Variants in STX8 observed in about 807,000 individuals in gnomAD.
STX8 encodes syntaxin-8.
Under a neutral mutation model 37.5 loss-of-function variants are expected in STX8, and 23 were observed. The ratio of observed to expected loss-of-function variants is 0.61; its 90% CI spans 0.44 to 0.87. The LOEUF is 0.87. Among genes scored for constraint, STX8 ranks in the 40% least tolerant of loss-of-function variants. STX8 has a pLI of 0.00. For synonymous variants in STX8, 115 were observed against 99.1 expected (o/e 1.16, Z -0.95); for missense variants, 313 against 284.7 (o/e 1.10, Z -0.71).
chr17:9,408,833 AAAGTCTACGTGAGGGTCCT>A (rs962763560), intron 6 of STX8, among the ~76,000 whole-genome samples: 10 of 152,154 alleles, frequency 6.6e-5, no homozygotes, highest in East Asian at 1.9e-4. Context: ...CTCTTCCAGA[AAAGTCTACGTGAGGGTCCT>A]AAGTCTACGT....
intron 4 of STX8, among the ~76,000 whole-genome samples, chr17:9,535,717 C>A (rs1251519754): frequency 6.6e-6 from 1 of 152,046 alleles, no homozygotes; most frequent in African/African-American, 2.4e-5. Flanking sequence ...CAGGCGTGAG[C>A]CATCGTGCCC....
At chr17:9,366,647 C>T (rs1256618206) in intron 7 of STX8, among the ~76,000 whole-genome samples, 1 of 152,166 alleles carries the variant, frequency 6.6e-6, no homozygotes, top group Non-Finnish European at 1.5e-5. Flanking sequence ...AAACAAAAAT[C>T]TTTTAAAAAG....
chr17:9,350,257 G>A (rs1910662962), intron 7 of STX8, among the ~76,000 whole-genome samples: 1 of 152,206 alleles, frequency 6.6e-6, no homozygotes, highest in South Asian at 2.1e-4. Flanking sequence ...GTGGGATGGC[G>A]TGAGATTTCA....
chr17:9,410,683 T>C (rs1006593575), intron 6 of STX8, among the ~76,000 whole-genome samples: 10 of 152,210 alleles, frequency 6.6e-5, no homozygotes, highest in Non-Finnish European at 1.3e-4. Context: ...ATTCCATGTG[T>C]TGACAAGCAA....
intron 6 of STX8, among the ~76,000 whole-genome samples, chr17:9,428,529 C>T (rs1005996416): frequency 3.3e-5 from 5 of 152,142 alleles, no homozygotes; most frequent in Non-Finnish European, 7.4e-5. Flanking sequence ...CGTAAGCCAC[C>T]CCGTCCGGCA....
chr17:9,519,983 C>T (rs948493379), intron 4 of STX8, among the ~76,000 whole-genome samples: 1 of 152,100 alleles, frequency 6.6e-6, no homozygotes, highest in African/African-American at 2.4e-5. Flanking sequence ...ATTTATCAAG[C>T]GGGATTGTAG....
chr17:9,405,688 A>G (rs1912777129), intron 6 of STX8, among the ~76,000 whole-genome samples: 1 of 152,094 alleles, frequency 6.6e-6, no homozygotes, highest in Admixed American at 6.5e-5. Context: ...CCCCACCAGA[A>G]TTGGTCACTC....
chr17:9,316,099 T>C (rs1909374341), intron 7 of STX8, among the ~76,000 whole-genome samples: 2 of 152,026 alleles, frequency 1.3e-5, no homozygotes, highest in South Asian at 4.2e-4. Context: ...CCCTATAATG[T>C]CTACTGTAGG....
chr17:9,381,280 C>G (rs112089674), intron 6 of STX8, among the ~76,000 whole-genome samples: 1 of 151,038 alleles, frequency 6.6e-6, no homozygotes, highest in Non-Finnish European at 1.5e-5. Flanking sequence ...CTCCCTCCTT[C>G]CTGTTTTTAT....
intron 3 of STX8, among the ~76,000 whole-genome samples, chr17:9,551,966 GAAAC>G (rs1375039240): frequency 6.6e-6 from 1 of 150,552 alleles, no homozygotes; most frequent in East Asian, 1.9e-4. Flanking sequence ...AAAAAAAAAA[GAAAC>G]AAAACTATCT....
chr17:9,424,387 C>A (rs186890759), intron 6 of STX8, among the ~76,000 whole-genome samples: 12 of 152,136 alleles, frequency 7.9e-5, no homozygotes, highest in Admixed American at 2.0e-4. Context: ...CCCTCAGGCC[C>A]CAAAAGTTGC....
At position 9,574,370 on chromosome 17, in the gene STX8, T is replaced by A. The variant is rs182171965; in HGVS notation, c.17+1422A>T. Among the ~76,000 whole-genome samples the A allele has an allele frequency of 5.1e-3, 766 of 150,714 alleles. 3 individuals carry two copies. The highest frequency in any genetic ancestry group is 7.7e-3 in the Non-Finnish European group (519 of 67,736). On this transcript the variant is annotated intron_variant, in intron 1 of 7. Transcript: ENST00000306357. ...TATATTATATATATATATAAAAATA[T>A]AGATTAAAATAACAAATTCATTGTA...
chr17:9,390,819 A>G (rs1182249857), intron 6 of STX8, among the ~76,000 whole-genome samples: 1 of 143,628 alleles, frequency 7.0e-6, no homozygotes, highest in African/African-American at 2.6e-5. Flanking sequence ...CCTGGGCGAC[A>G]GAGCGAGACT....
intron 2 of STX8, among the ~76,000 whole-genome samples, chr17:9,564,142 TG>T (rs1188293928): frequency 6.6e-6 from 1 of 152,160 alleles, no homozygotes; most frequent in East Asian, 1.9e-4. Context: ...TCATACTGAA[TG>T]GGCAAAATCT....
intron 7 of STX8, among the ~76,000 whole-genome samples, chr17:9,344,426 A>C (rs1161297888): frequency 6.6e-6 from 1 of 151,686 alleles, no homozygotes; most frequent in Non-Finnish European, 1.5e-5. Context: ...ACACCCAGCT[A>C]ATTTTTGTAT....
chr17:9,342,174 C>T (rs1910383394), intron 7 of STX8, among the ~76,000 whole-genome samples: 1 of 152,156 alleles, frequency 6.6e-6, no homozygotes, highest in Admixed American at 6.5e-5. Flanking sequence ...AGGGTTTGCG[C>T]TCCTATATCT....
chr17:9,284,912 G>A (rs1398843410), intron 7 of STX8, among the ~76,000 whole-genome samples: 1 of 152,098 alleles, frequency 6.6e-6, no homozygotes, highest in Non-Finnish European at 1.5e-5. Context: ...ATTAACAGAG[G>A]CAAAGTTTTT....
In STX8 at chr17:9,315,497, C is replaced by T. The variant is rs957178966; in HGVS notation, c.643+63055G>A. On this transcript the variant is annotated intron_variant, in intron 7 of 7. Transcript: ENST00000306357. ...TCTAATGCATTTAAATGCTAAGTCT[C>T]CACCCCAGAGGGAAAATGTGGGATG... Among the ~76,000 whole-genome samples the T allele has an allele frequency of 3.4e-4, 52 of 152,162 alleles. 1 individual carries two copies. The highest frequency in any genetic ancestry group is 4.4e-5 in the Non-Finnish European group (3 of 68,018).
chr17:9,323,166 T>C (rs1205064676), intron 7 of STX8, among the ~76,000 whole-genome samples: 1 of 152,180 alleles, frequency 6.6e-6, no homozygotes, highest in African/African-American at 2.4e-5. Flanking sequence ...ATGCCAATGC[T>C]TTCATGAATT....
Sources: gnomAD v4.1 joint callset for allele counts (sites outside exome capture counted in the v4.1 genomes callset) on GRCh38, gnomAD v4.1.1 for gene constraint, MANE v1.5 for transcripts, NCBI Gene and HGNC (gene_info 2026-07-23, HGNC 2026-07-21) for gene names.